The following PDSS2 variants were observed in gnomAD, a reference collection of about 807,000 sequenced individuals.
PDSS2 encodes all trans-polyprenyl-diphosphate synthase PDSS2.
Under a neutral mutation model 44.5 loss-of-function variants are expected in PDSS2, and 31 were observed. That is an observed-to-expected ratio of 0.70 (90% CI 0.52 to 0.94). The LOEUF (loss-of-function observed/expected upper bound fraction) is 0.94, where lower values mean the gene tolerates loss of function less well. Among genes scored for constraint, PDSS2 ranks in the 40% least tolerant of loss-of-function variants. The pLI is 0.00. For synonymous variants in PDSS2, 157 were observed against 180.3 expected (o/e 0.87, Z 1.03); for missense variants, 452 against 482.2 (o/e 0.94, Z 0.59).
intron 1 of PDSS2, among the ~76,000 whole-genome samples, chr6:107,377,927 C>A (rs924397714): frequency 2.6e-5 from 4 of 151,564 alleles, no homozygotes; most frequent in Non-Finnish European, 4.4e-5. Context: ...AGGAGATATA[C>A]CTAATGCTAA....
intron 1 of PDSS2, among the ~76,000 whole-genome samples, chr6:107,422,948 A>AT (rs1429569933): frequency 6.6e-6 from 1 of 151,970 alleles, no homozygotes; most frequent in African/African-American, 2.4e-5. Flanking sequence ...GCACTACATA[A>AT]TTTTTTTTAC....
chr6:107,222,613 C>T (rs1210947460), intron 4 of PDSS2, among the ~76,000 whole-genome samples: 1 of 150,022 alleles, frequency 6.7e-6, no homozygotes, highest in African/African-American at 2.5e-5. Context: ...CAAGATGGTG[C>T]CACTGCACTC....
intron 1 of PDSS2, among the ~76,000 whole-genome samples, chr6:107,408,128 AAT>A (rs1466050828): frequency 5.9e-5 from 9 of 151,820 alleles, no homozygotes; most frequent in South Asian, 2.1e-4. Context: ...CCTGGGTTCA[AAT>A]GATTCTCCTG....
chr6:107,315,245 A>G (rs972586710), intron 2 of PDSS2, among the ~76,000 whole-genome samples: 1 of 152,226 alleles, frequency 6.6e-6, no homozygotes, highest in African/African-American at 2.4e-5. Flanking sequence ...AAGAAGGCAG[A>G]TCTTGGAATA....
intron 1 of PDSS2, among the ~76,000 whole-genome samples, chr6:107,445,167 A>T (rs185847121): frequency 7.3e-5 from 11 of 151,118 alleles, no homozygotes; most frequent in East Asian, 3.9e-4. Context: ...TTTATATATA[A>T]TTTTTTATAA....
chr6:107,396,678 C>CTTTTTTTTTTT (rs950671310), intron 1 of PDSS2, among the ~76,000 whole-genome samples: 145 of 79,302 alleles, frequency 1.8e-3, no homozygotes, highest in Non-Finnish European at 2.0e-3. Flanking sequence ...CTTCTTTTTT[C>CTTTTTTTTTTT]TTTTTTTTTT....
chr6:107,429,904 ATATATAT>A (rs1562534250), intron 1 of PDSS2, among the ~76,000 whole-genome samples: 607 of 33,350 alleles, frequency 0.018, 45 homozygotes, highest in Non-Finnish European at 0.028. Context: ...AAAAAAAAAT[ATATATAT>A]ATATATATAT....
At chr6:107,439,562 TAAAG>T (rs1283555470) in intron 1 of PDSS2, among the ~76,000 whole-genome samples, 1 of 152,186 alleles carries the variant, frequency 6.6e-6, no homozygotes, top group East Asian at 1.9e-4. Context: ...TCTCCCTGGT[TAAAG>T]AAAGACCTGA....
intron 4 of PDSS2, among the ~76,000 whole-genome samples, chr6:107,243,574 T>C (rs558967757): frequency 7.4e-4 from 113 of 152,336 alleles, no homozygotes; most frequent in African/African-American, 2.5e-3. Context: ...ACTCTGGAAA[T>C]ATCCCAAGGG....
At chr6:107,317,503 C>A (rs1432177542) in intron 2 of PDSS2, among the ~76,000 whole-genome samples, 2 of 152,084 alleles carry the variant, frequency 1.3e-5, no homozygotes, top group East Asian at 1.9e-4. Flanking sequence ...TATTTTATCT[C>A]AAAATGTAAA....
chr6:107,241,457 C>T (rs2114785436), intron 4 of PDSS2, among the ~76,000 whole-genome samples: 1 of 147,096 alleles, frequency 6.8e-6, no homozygotes, highest in Non-Finnish European at 1.5e-5. Flanking sequence ...CACCATTCTT[C>T]TGCCTCAGCC....
intron 2 of PDSS2, among the ~76,000 whole-genome samples, chr6:107,277,102 T>C (rs1408469388): frequency 6.6e-6 from 1 of 152,238 alleles, no homozygotes; most frequent in East Asian, 1.9e-4. Context: ...TTCTACTAGA[T>C]TAGGCTGCCT....
At chr6:107,383,688 T>C (rs1322094803) in intron 1 of PDSS2, among the ~76,000 whole-genome samples, 2 of 152,114 alleles carry the variant, frequency 1.3e-5, no homozygotes, top group African/African-American at 4.8e-5. Context: ...TGAAAAGATG[T>C]TCAATGTCAT....
chr6:107,265,768 C>G (rs896814600), intron 3 of PDSS2, among the ~76,000 whole-genome samples: 1 of 152,120 alleles, frequency 6.6e-6, no homozygotes, highest in African/African-American at 2.4e-5. Flanking sequence ...ATGGCAAAAA[C>G]ACATCTACTA....
chr6:107,393,101 CTTCTT>C (rs1779833674), intron 1 of PDSS2, among the ~76,000 whole-genome samples: 1 of 151,898 alleles, frequency 6.6e-6, no homozygotes, highest in African/African-American at 2.4e-5. Context: ...TTAATTTGCT[CTTCTT>C]TTCTCGTTTA....
chr6:107,259,830 C>G (rs1197112000), intron 3 of PDSS2, among the ~76,000 whole-genome samples: 1 of 152,090 alleles, frequency 6.6e-6, no homozygotes, highest in Non-Finnish European at 1.5e-5. Context: ...CTATGTAGCT[C>G]AACACATTAT....
chr6:107,348,190 T>C (rs1778315483), intron 1 of PDSS2, among the ~76,000 whole-genome samples: 1 of 152,218 alleles, frequency 6.6e-6, no homozygotes, highest in Non-Finnish European at 1.5e-5. Context: ...AGTATGCTAA[T>C]GTTTTTATAG....
rs908582052 is a variant in PDSS2, at chr6:107,200,375, T to C, written c.1009-6521A>G. Among the ~76,000 whole-genome samples the C allele has an allele frequency of 4.6e-5, 7 of 152,324 alleles. No individual in the cohort carries two copies. The East Asian group carries it at 1.4e-3, about 29-fold the overall frequency. Reference sequence around the variant, plus strand: ...GACCAGACCAGAAGTTCCCAGATGCTGGGCTCTCACAAATGCTGGGCTGGA... The same window carrying C: ...GACCAGACCAGAAGTTCCCAGATGCCGGGCTCTCACAAATGCTGGGCTGGA... On this transcript the variant is annotated intron_variant, in intron 6 of 7. Transcript: ENST00000369037.
At chr6:107,445,703 T>G (rs1401712123) in intron 1 of PDSS2, among the ~76,000 whole-genome samples, 1 of 152,220 alleles carries the variant, frequency 6.6e-6, no homozygotes, top group Non-Finnish European at 1.5e-5. Flanking sequence ...GCTTGAGAAC[T>G]GACGACGGCT....
Sources: gnomAD v4.1 joint callset for allele counts (sites outside exome capture counted in the v4.1 genomes callset) on GRCh38, gnomAD v4.1.1 for gene constraint, MANE v1.5 for transcripts, NCBI Gene and HGNC (gene_info 2026-07-23, HGNC 2026-07-21) for gene names.